FNDC3B: variants seen among roughly 807,000 people sequenced by gnomAD.
FNDC3B encodes fibronectin type III domain-containing protein 3B.
FNDC3B carries 12 observed loss-of-function variants against 151.5 expected under a neutral mutation model. The ratio of observed to expected loss-of-function variants is 0.08; its 90% CI spans 0.05 to 0.13. The LOEUF is 0.13. Ranked by LOEUF, FNDC3B falls within the 10% of genes least tolerant of loss-of-function variation. The probability of loss-of-function intolerance (pLI) is 1.00; values close to 1 mark genes in which losing one functional copy is unlikely to be tolerated. For synonymous variants in FNDC3B, 528 were observed against 549.0 expected, an observed-to-expected ratio of 0.96 and a Z score of 0.54; for missense variants, 1,214 against 1,505.3, an observed-to-expected ratio of 0.81 and a Z score of 3.20.
chr3:172,386,895 C>A (rs1560111122), intron 25 of FNDC3B, among the ~76,000 whole-genome samples: 1 of 151,884 alleles, frequency 6.6e-6, no homozygotes, highest in Admixed American at 6.6e-5. Context: ...ATTGATTCTA[C>A]ATGGTATCAC....
chr3:172,319,732 T>C (rs572542059), intron 11 of FNDC3B, among the ~76,000 whole-genome samples: 1 of 152,344 alleles, frequency 6.6e-6, no homozygotes, highest in East Asian at 1.9e-4. Context: ...GCTGAACACA[T>C]ACGTGCTCTT....
intron 3 of FNDC3B, among the ~76,000 whole-genome samples, chr3:172,217,250 G>A (rs1300351703): frequency 6.6e-6 from 1 of 152,214 alleles, no homozygotes; most frequent in Non-Finnish European, 1.5e-5. Flanking sequence ...TTACAAGCCT[G>A]TCTCCTGGTA....
intron 3 of FNDC3B, among the ~76,000 whole-genome samples, chr3:172,135,245 G>A (rs1242768052): frequency 6.6e-6 from 1 of 152,010 alleles, no homozygotes; most frequent in Non-Finnish European, 1.5e-5. Flanking sequence ...GGTGTCTAAG[G>A]AGTGTGTGTA....
At chr3:172,194,546 A>G (rs983644593) in intron 3 of FNDC3B, among the ~76,000 whole-genome samples, 1 of 152,216 alleles carries the variant, frequency 6.6e-6, no homozygotes, top group Non-Finnish European at 1.5e-5. Context: ...AAAATTATAT[A>G]TGGTACTGCT....
At chr3:172,310,215 T>C (rs1197132731) in intron 10 of FNDC3B, among the ~76,000 whole-genome samples, 1 of 152,180 alleles carries the variant, frequency 6.6e-6, no homozygotes, top group African/African-American at 2.4e-5. Flanking sequence ...ACTTTCTCAG[T>C]GAAGCAGATC....
chr3:172,399,195 A>G lies in FNDC3B; in HGVS notation c.*1720A>G, dbSNP rs1442371449. On this transcript the variant is annotated 3_prime_UTR_variant, in exon 26 of 26. Coordinates refer to ENST00000415807, the MANE Select transcript of FNDC3B (RefSeq NM_022763.4). Reference sequence around the variant, plus strand: ...ATACAGTACTTTAAATGCCAATTACAGTGCAATCTTTATTTATTGTAAAAT... The same window carrying G: ...ATACAGTACTTTAAATGCCAATTACGGTGCAATCTTTATTTATTGTAAAAT... 1 of 152,660 alleles carries G rather than the reference A, an allele frequency of 6.6e-6. No homozygotes were observed. Among genetic ancestry groups the G allele is most frequent in the African/African-American group, 2.4e-5 (1 of 41,460 alleles). The allele number at this position is 152,660 out of a possible 1,614,324, so 9.5% of individuals were successfully genotyped here. A position where few individuals can be genotyped will look rare whatever the true frequency, so the allele number is the denominator to read the frequency against.
At chr3:172,050,537 C>G (rs1048896175) in intron 1 of FNDC3B, among the ~76,000 whole-genome samples, 1 of 152,026 alleles carries the variant, frequency 6.6e-6, no homozygotes, top group South Asian at 2.1e-4. Context: ...GCACGTGCCA[C>G]CATGCCTGGC....
In FNDC3B at chr3:172,329,059, A is replaced by G; in HGVS notation, c.1362A>G (p.Arg454=). ...GGTACACATTCAGGCTGGCCGCTCG[A>G]AACGACATTGGTACCAGGTATGACG... is the stretch of plus-strand genomic sequence containing the variant. ...AMGYTFRLAA[R]NDIGTSGYSQ... The change falls in exon 12 of 26, where the codon CGA becomes CGG. Residue 454 remains arginine, a synonymous_variant. Coordinates refer to ENST00000415807, the MANE Select transcript of FNDC3B (RefSeq NM_022763.4). 1 of 1,613,578 alleles carries G rather than the reference A, an allele frequency of 6.2e-7. No individual in the cohort carries two copies. Among genetic ancestry groups the G allele is most frequent in the Non-Finnish European group, 8.5e-7 (1 of 1,179,666 alleles).
At chr3:172,289,953 A>G (rs1279160629) in intron 7 of FNDC3B, among the ~76,000 whole-genome samples, 2 of 152,226 alleles carry the variant, frequency 1.3e-5, no homozygotes, top group East Asian at 1.9e-4. Context: ...TGAGAAGTAA[A>G]TTATATACTT....
At chr3:172,380,104 C>A (rs1431374409) in intron 24 of FNDC3B, among the ~76,000 whole-genome samples, 1 of 149,648 alleles carries the variant, frequency 6.7e-6, no homozygotes, top group Non-Finnish European at 1.5e-5. Flanking sequence ...CATTATTTTT[C>A]TGAAACAATA....
intron 25 of FNDC3B, among the ~76,000 whole-genome samples, chr3:172,388,689 T>A (rs1013009962): frequency 6.6e-6 from 1 of 152,186 alleles, no homozygotes; most frequent in Non-Finnish European, 1.5e-5. Flanking sequence ...CTGTGGGTTG[T>A]AAGTGTCCGT....
chr3:172,235,126 A>C (rs867749561), intron 4 of FNDC3B, among the ~76,000 whole-genome samples: 1 of 152,252 alleles, frequency 6.6e-6, no homozygotes, highest in East Asian at 1.9e-4. Flanking sequence ...GTGATACGGT[A>C]AGTTTTGTGC....
chr3:172,376,922 T>A (rs541419477), intron 23 of FNDC3B, among the ~76,000 whole-genome samples: 42 of 152,244 alleles, frequency 2.8e-4, no homozygotes, highest in African/African-American at 7.7e-4. Flanking sequence ...CTCTTCATTT[T>A]TCCATCCATT....
At chr3:172,345,502 T>C (rs1733561463) in intron 19 of FNDC3B, among the ~76,000 whole-genome samples, 1 of 152,200 alleles carries the variant, frequency 6.6e-6, no homozygotes, top group Admixed American at 6.5e-5. Flanking sequence ...ATCGCTGTAG[T>C]CACCTTCTGA....
At chr3:172,282,576 A>G (rs1355266459) in intron 6 of FNDC3B, among the ~76,000 whole-genome samples, 1 of 152,208 alleles carries the variant, frequency 6.6e-6, no homozygotes, top group Admixed American at 6.5e-5. Flanking sequence ...CCCAGCAGAT[A>G]GGTGGCCTTT....
At chr3:172,242,675 CCTCCT>C (rs1727563116) in intron 4 of FNDC3B, among the ~76,000 whole-genome samples, 2 of 152,206 alleles carry the variant, frequency 1.3e-5, no homozygotes, top group East Asian at 3.9e-4. Context: ...ACCATTTTAT[CCTCCT>C]AGGCCTCAGG....
At chr3:172,225,434 T>C in intron 3 of FNDC3B, 1 of 231,494 alleles carries the variant, frequency 4.3e-6, no homozygotes, top group South Asian at 6.6e-5. Context: ...GAGCCTTGTC[T>C]TCTGGTTTGT....
At chr3:172,246,187 A>AT (rs5854465) in intron 4 of FNDC3B, among the ~76,000 whole-genome samples, 324 of 146,762 alleles carry the variant, frequency 2.2e-3, no homozygotes, top group Middle Eastern at 6.9e-3. Flanking sequence ...CGGTTTTTAG[A>AT]TTTTTTTTTT....
intron 9 of FNDC3B, among the ~76,000 whole-genome samples, chr3:172,299,931 A>G (rs1730823670): frequency 6.6e-6 from 1 of 152,242 alleles, no homozygotes; most frequent in South Asian, 2.1e-4. Context: ...TGAGGATGTA[A>G]TATCTTATTA....
Sources: allele counts gnomAD v4.1 joint callset (sites outside exome capture counted in the v4.1 genomes callset), GRCh38; gene constraint gnomAD v4.1.1; transcripts MANE v1.5; gene names NCBI Gene and HGNC (gene_info 2026-07-23, HGNC 2026-07-21).